DACH1: variants seen among roughly 807,000 people sequenced by gnomAD.
DACH1 encodes the protein dachshund family transcription factor 1, also known as dachshund homolog 1.
In DACH1, 12 loss-of-function variants were observed where a neutral mutation model predicts 54.2. That is an observed-to-expected ratio of 0.22 (90% CI 0.14 to 0.36). The LOEUF (loss-of-function observed/expected upper bound fraction) is 0.36. Among genes scored for constraint, DACH1 ranks in the 10% least tolerant of loss-of-function variants. The pLI, the probability that DACH1 is intolerant of heterozygous loss-of-function variation, is 1.00. For synonymous variants in DACH1, 386 were observed against 366.2 expected (o/e 1.05, Z -0.62); for missense variants, 805 against 929.8 (o/e 0.87, Z 1.75).
chr13:71,535,685 G>A (rs548377344), intron 6 of DACH1, among the ~76,000 whole-genome samples: 11 of 151,680 alleles, frequency 7.3e-5, no homozygotes, highest in African/African-American at 1.9e-4. Context: ...TTGTTCGTGC[G>A]CATAGTTTAT....
chr13:71,784,860 T>C (rs1475903585), intron 1 of DACH1, among the ~76,000 whole-genome samples: 1 of 152,182 alleles, frequency 6.6e-6, no homozygotes, highest in African/African-American at 2.4e-5. Context: ...GAATAGCCAC[T>C]TGCTGAATTA....
chr13:71,806,190 T>G (rs1887493791), intron 1 of DACH1, among the ~76,000 whole-genome samples: 1 of 152,208 alleles, frequency 6.6e-6, no homozygotes, highest in African/African-American at 2.4e-5. Flanking sequence ...AAGAGATATA[T>G]TCTTCAAATC....
rs141056602 is a variant in DACH1, at chr13:71,541,597, C to T, written c.1570+15427G>A. Among the ~76,000 whole-genome samples the T allele has an allele frequency of 3.1e-3, 465 of 152,058 alleles. 3 individuals carry two copies. The highest frequency in any genetic ancestry group is 6.8e-3 in the Middle Eastern group (2 of 292). On this transcript the variant is annotated intron_variant, in intron 6 of 10. Transcript: ENST00000613252. ...ATCTTATTCTATAGGTTACATTTTCCATATATAAGTTCATTTATATGGCAT... is the reference window on the plus strand; with the variant it reads ...ATCTTATTCTATAGGTTACATTTTCTATATATAAGTTCATTTATATGGCAT...
chr13:71,712,790 T>G (rs1882782402), intron 1 of DACH1, among the ~76,000 whole-genome samples: 1 of 152,140 alleles, frequency 6.6e-6, no homozygotes, highest in South Asian at 2.1e-4. Flanking sequence ...TTTAATAAAC[T>G]ATTTCCTTTA....
intron 2 of DACH1, among the ~76,000 whole-genome samples, chr13:71,650,179 CAT>C (rs1483270612): frequency 6.6e-6 from 1 of 152,134 alleles, no homozygotes; most frequent in Non-Finnish European, 1.5e-5. Context: ...CTAATAATAT[CAT>C]GTGTATTTCC....
intron 10 of DACH1, among the ~76,000 whole-genome samples, chr13:71,454,491 A>T (rs1351432074): frequency 6.6e-6 from 1 of 152,166 alleles, no homozygotes; most frequent in Admixed American, 6.5e-5. Context: ...ATTAGGTTCT[A>T]AAAAGACGGT....
intron 1 of DACH1, among the ~76,000 whole-genome samples, chr13:71,687,423 G>A (rs1032449767): frequency 6.6e-6 from 1 of 151,840 alleles, no homozygotes; most frequent in South Asian, 2.1e-4. Context: ...AGATATGGGC[G>A]TATCAGAGCA....
intron 10 of DACH1, among the ~76,000 whole-genome samples, chr13:71,447,137 T>G (rs1479593302): frequency 6.6e-6 from 1 of 152,192 alleles, no homozygotes; most frequent in Non-Finnish European, 1.5e-5. Flanking sequence ...AATAGTTTAT[T>G]GTGCGTGTGA....
intron 2 of DACH1, among the ~76,000 whole-genome samples, chr13:71,632,685 G>T (rs1331455901): frequency 1.3e-5 from 2 of 151,998 alleles, no homozygotes; most frequent in African/African-American, 4.8e-5. Context: ...CTTTCCTTCA[G>T]ATCAGACCAA....
intron 6 of DACH1, among the ~76,000 whole-genome samples, chr13:71,498,363 A>G (rs1593791398): frequency 6.6e-6 from 1 of 152,210 alleles, no homozygotes; most frequent in South Asian, 2.1e-4. Flanking sequence ...CTGGAGGAAT[A>G]CAGACTGCAA....
chr13:71,715,476 C>T (rs368347376), intron 1 of DACH1, among the ~76,000 whole-genome samples: 1 of 152,036 alleles, frequency 6.6e-6, no homozygotes, highest in Non-Finnish European at 1.5e-5. Flanking sequence ...ATTCTTCCAA[C>T]CTAAGAAGGC....
intron 1 of DACH1, among the ~76,000 whole-genome samples, chr13:71,696,757 G>A (rs73523434): frequency 0.01 from 1,548 of 152,152 alleles, 39 homozygotes; most frequent in African/African-American, 0.035. Flanking sequence ...ATGTTGGTCA[G>A]GCTGATCTCG....
rs1883313278 is a variant in DACH1 at position 71,723,280 on chromosome 13, G to A, written c.849-41370C>T. 2.0e-5 allele frequency among the ~76,000 whole-genome samples: 3 copies of A among 151,866 alleles called. No homozygotes were observed. The South Asian group carries it at 6.2e-4, about 32-fold the overall frequency. ...AAAAAAAAAATTAGTCCAGCGTGGT[G>A]GCACATGCCTGTAGCCCCAGCTACT... is the stretch of plus-strand genomic sequence containing the variant. On this transcript the variant is annotated intron_variant, in intron 1 of 10. Coordinates refer to ENST00000613252, the MANE Select transcript of DACH1 (RefSeq NM_080759.6).
At chr13:71,682,965 G>T (rs192712262) in intron 1 of DACH1, among the ~76,000 whole-genome samples, 1 of 152,162 alleles carries the variant, frequency 6.6e-6, no homozygotes, top group African/African-American at 2.4e-5. Context: ...TGGCCAAAAC[G>T]TGCCTAGATA....
intron 1 of DACH1, among the ~76,000 whole-genome samples, chr13:71,794,302 C>T (rs550590646): frequency 6.6e-6 from 1 of 152,294 alleles, no homozygotes; most frequent in African/African-American, 2.4e-5. Context: ...CAATTCAACA[C>T]AAAAAGGGCC....
intron 1 of DACH1, among the ~76,000 whole-genome samples, chr13:71,786,576 T>C (rs1886600039): frequency 6.6e-6 from 1 of 152,184 alleles, no homozygotes; most frequent in Admixed American, 6.6e-5. Flanking sequence ...ATGGCATACA[T>C]TTCAGTATTT....
chr13:71,632,575 T>C (rs1408475194), intron 2 of DACH1, among the ~76,000 whole-genome samples: 1 of 152,190 alleles, frequency 6.6e-6, no homozygotes, highest in Non-Finnish European at 1.5e-5. Flanking sequence ...TCATCACTTC[T>C]AGTTATTCTA....
At chr13:71,614,984 ATCTGTT>A (rs1424483789) in intron 3 of DACH1, among the ~76,000 whole-genome samples, 1 of 151,910 alleles carries the variant, frequency 6.6e-6, no homozygotes, top group Non-Finnish European at 1.5e-5. Context: ...TAAGTAAGGT[ATCTGTT>A]TCTAACTAAA....
At chr13:71,682,202 C>T (rs944589697) in intron 1 of DACH1, among the ~76,000 whole-genome samples, 8 of 152,176 alleles carry the variant, frequency 5.3e-5, no homozygotes, top group African/African-American at 1.9e-4. Flanking sequence ...TGCTAAAGTT[C>T]TGCATGCAGC....
Sources: gnomAD v4.1 joint callset for allele counts (sites outside exome capture counted in the v4.1 genomes callset) on GRCh38, gnomAD v4.1.1 for gene constraint, MANE v1.5 for transcripts, NCBI Gene and HGNC (gene_info 2026-07-23, HGNC 2026-07-21) for gene names.